The following PCDHA9 variants were observed in gnomAD, a reference collection of about 807,000 sequenced individuals.
The protein encoded by PCDHA9 is protocadherin alpha-9.
Under a neutral mutation model 62.0 loss-of-function variants are expected in PCDHA9, and 62 were observed. The observed-to-expected ratio is 1.00, with a 90% CI of 0.81 to 1.23. PCDHA9 has a LOEUF of 1.23. PCDHA9 is among the 50% of genes most tolerant of loss of function. PCDHA9 has a pLI of 0.00. For synonymous variants in PCDHA9, 557 were observed against 567.6 expected (o/e 0.98, Z 0.27); for missense variants, 1,205 against 1,249.8 (o/e 0.96, Z 0.54).
At chr5:140,870,671 A>T in intron 1 of PCDHA9, 1 of 1,612,606 alleles carries the variant, frequency 6.2e-7, no homozygotes, top group Non-Finnish European at 8.5e-7. Context: ...CAGCCGTTGG[A>T]CCACGAGGAG....
At chr5:140,937,291 C>T (rs940890612) in intron 1 of PCDHA9, among the ~76,000 whole-genome samples, 1 of 152,104 alleles carries the variant, frequency 6.6e-6, no homozygotes, top group African/African-American at 2.4e-5. Flanking sequence ...CCCGCTTCGG[C>T]CTCCCAAAGT....
At position 140,883,032 on chromosome 5, in the gene PCDHA9, C is replaced by G. The variant is rs2153389895; in HGVS notation, c.2394+32143C>G. The G allele has an allele frequency of 6.2e-6, 10 of 1,614,064 alleles. No individual in the cohort carries two copies. The South Asian group carries it at 8.8e-5, about 14-fold the overall frequency. ...TATAAAGTGACGGTGTTAGAGAACG[C>G]CTTCAATGGAACATTAGTGATCAAG... On this transcript the variant is annotated intron_variant, in intron 1 of 3. Transcript: ENST00000532602.
At chr5:140,919,932 C>A (rs2079357842) in intron 1 of PCDHA9, among the ~76,000 whole-genome samples, 1 of 151,968 alleles carries the variant, frequency 6.6e-6, no homozygotes, top group Non-Finnish European at 1.5e-5. Flanking sequence ...CAGGTGGGGG[C>A]TAATTCCAGT....
At chr5:140,873,265 T>A (rs2054186823) in intron 1 of PCDHA9, among the ~76,000 whole-genome samples, 1 of 152,228 alleles carries the variant, frequency 6.6e-6, no homozygotes, top group South Asian at 2.1e-4. Context: ...CAAAAGTGAT[T>A]AAACCATCAT....
At position 140,876,973 on chromosome 5, in the gene PCDHA9, G is replaced by A. The variant is rs2056750069; in HGVS notation, c.2394+26084G>A. ...CTCGCTGGTGGAGCGGCGGGTGGGC[G>A]AGCACGCACTGTCGAGCTACGTGTC... is the stretch of plus-strand genomic sequence containing the variant. On this transcript the variant is annotated intron_variant, in intron 1 of 3. Transcript: ENST00000532602. 3 of 1,612,624 alleles carry A rather than the reference G, an allele frequency of 1.9e-6. No individual in the cohort carries two copies. The South Asian group carries it at 3.3e-5, about 18-fold the overall frequency.
At chr5:140,962,077 G>T (rs2095655013) in intron 1 of PCDHA9, among the ~76,000 whole-genome samples, 1 of 151,866 alleles carries the variant, frequency 6.6e-6, no homozygotes, top group South Asian at 2.1e-4. Flanking sequence ...AGTAGAGACG[G>T]GGTTTCACCA....
Position 140,978,928 on chromosome 5 carries a change from ACT to A in PCDHA9, c.2395-16_2395-15del. ...CATTGTCTTGTCATTTTAACAGAAA[ACT>A]CTCTTTGTGATTTTGCAGCCACGAC... On this transcript the variant is annotated intron_variant, in intron 1 of 3. Coordinates refer to ENST00000532602, the MANE Select transcript of PCDHA9 (RefSeq NM_031857.2). The A allele has an allele frequency of 6.2e-7, 1 of 1,613,190 alleles. No homozygotes were observed. Among genetic ancestry groups the A allele is most frequent in the Admixed American group, 1.7e-5 (1 of 59,890 alleles).
Position 141,004,377 on chromosome 5 carries a change from C to T in PCDHA9, c.2543-5250C>T, listed in dbSNP as rs567018582. Among the ~76,000 whole-genome samples the T allele has an allele frequency of 3.9e-5, 6 of 152,294 alleles. No homozygotes were observed. The South Asian group carries it at 6.2e-4, about 16-fold the overall frequency. ...AGAGACCACACCTTGTTCTGCTCTG[C>T]GGAAGCTGGACATGTGGAGGAGGCA... On this transcript the variant is annotated intron_variant, in intron 3 of 3. Coordinates refer to ENST00000532602, the MANE Select transcript of PCDHA9 (RefSeq NM_031857.2).
intron 1 of PCDHA9, among the ~76,000 whole-genome samples, chr5:140,978,377 G>GT (rs1554239246): frequency 6.6e-6 from 1 of 152,212 alleles, no homozygotes; most frequent in Non-Finnish European, 1.5e-5. Context: ...GCAATAGTTT[G>GT]TTTTCCTCTC....
Position 140,870,628 on chromosome 5 carries a change from G to A in PCDHA9, c.2394+19739G>A. The A allele has an allele frequency of 4.3e-6, 7 of 1,613,050 alleles. No individual in the cohort carries two copies. The highest frequency in any genetic ancestry group is 5.9e-6 in the Non-Finnish European group (7 of 1,179,794). Reference sequence around the variant, plus strand: ...CCGCGCGCTGTCGAGCTACGTGTCGGTGCACGCGGAGAGCGGCAAGGTGTA... The same window carrying A: ...CCGCGCGCTGTCGAGCTACGTGTCGATGCACGCGGAGAGCGGCAAGGTGTA... On this transcript the variant is annotated intron_variant, in intron 1 of 3. Transcript: ENST00000532602.
At chr5:140,858,190 G>T in intron 1 of PCDHA9, 1 of 1,597,502 alleles carries the variant, frequency 6.3e-7, no homozygotes, top group Admixed American at 1.7e-5. Context: ...TCACGCTGCT[G>T]CTGTACACTG....
chr5:140,943,529 A>C (rs1291911076), intron 1 of PCDHA9, among the ~76,000 whole-genome samples: 1 of 152,220 alleles, frequency 6.6e-6, no homozygotes, highest in Non-Finnish European at 1.5e-5. Flanking sequence ...TCAGTATGCA[A>C]AATGTCATGT....
At chr5:140,898,676 G>C (rs1478380529) in intron 1 of PCDHA9, among the ~76,000 whole-genome samples, 3 of 152,036 alleles carry the variant, frequency 2.0e-5, no homozygotes, top group African/African-American at 4.8e-5. Context: ...GTTGCGGGCT[G>C]TTTTTTGGTT....
At chr5:140,890,902 G>A (rs781819787) in intron 1 of PCDHA9, among the ~76,000 whole-genome samples, 16 of 152,080 alleles carry the variant, frequency 1.1e-4, no homozygotes, top group Non-Finnish European at 1.5e-4. Context: ...GTCTTTCCAT[G>A]TTAGAATAAT....
intron 1 of PCDHA9, chr5:140,883,585 C>G: frequency 6.2e-7 from 1 of 1,614,028 alleles, no homozygotes; most frequent in Non-Finnish European, 8.5e-7. Flanking sequence ...GGGCCACGGC[C>G]AGCGTGTCGG....
In PCDHA9 at chr5:140,850,201, G is replaced by A. The variant is rs202136378; in HGVS notation, c.1706G>A (p.Arg569Gln). The A allele has an allele frequency of 1.6e-5, 25 of 1,593,494 alleles. 3 individuals carry two copies. Among genetic ancestry groups the A allele is most frequent in the Middle Eastern group, 2.1e-4 (1 of 4,666 alleles). The change falls in exon 1 of 4, where the codon CGG becomes CAG. Residue 569 changes from arginine (R) to glutamine (Q), a missense_variant. By Grantham distance (43) the Arg-to-Gln change is conservative. Around this residue, in one of 3 missense-constraint regions of PCDHA9, gnomAD observed 887 missense variants for 809.5 expected, o/e 1.10. Coordinates refer to ENST00000532602, the MANE Select transcript of PCDHA9 (RefSeq NM_031857.2). ...AATGCGCCGGCGCTGCTGACACCTC[G>A]GATGAGGGGCACTGACGGCGCAGTG... ...NDNAPALLTP[R>Q]MRGTDGAVSE...
At chr5:140,860,132 T>C (rs2150486737) in intron 1 of PCDHA9, 1 of 150,816 alleles carries the variant, frequency 6.6e-6, no homozygotes, top group East Asian at 1.9e-4. Flanking sequence ...TGTGTGTGTG[T>C]GTATATATAT....
intron 1 of PCDHA9, among the ~76,000 whole-genome samples, chr5:140,931,876 T>G (rs533517349): frequency 1.3e-5 from 2 of 152,112 alleles, no homozygotes; most frequent in South Asian, 4.1e-4. Context: ...AAATATTTAT[T>G]GCTTTCATTT....
chr5:140,873,205 T>TTTTAAAAGTATTCTTAA (rs2054160501), intron 1 of PCDHA9, among the ~76,000 whole-genome samples: 1 of 152,206 alleles, frequency 6.6e-6, no homozygotes, highest in Non-Finnish European at 1.5e-5. Flanking sequence ...AAACATTCTT[T>TTTTAAAAGTATTCTTAA]AAGTATTAAA....
Sources: gnomAD v4.1 joint callset for allele counts (sites outside exome capture counted in the v4.1 genomes callset) on GRCh38, gnomAD v4.1.1 for gene constraint, gnomAD v4.1.1 regional missense constraint, MANE v1.5 for transcripts, NCBI Gene and HGNC (gene_info 2026-07-23, HGNC 2026-07-21) for gene names.